Variants in MAP3K9 observed in about 807,000 individuals in gnomAD.
The protein encoded by MAP3K9 is mixed lineage kinase 1 (tyr and ser/thr specificity).
Under a neutral mutation model 95.8 loss-of-function variants are expected in MAP3K9, and 46 were observed. The observed-to-expected ratio is 0.48, with a 90% confidence interval of 0.38 to 0.61. The LOEUF (loss-of-function observed/expected upper bound fraction) is 0.61, where lower values mean the gene tolerates loss of function less well. Ranked by LOEUF, MAP3K9 falls within the 20% of genes least tolerant of loss-of-function variation. The probability of loss-of-function intolerance (pLI) is 0.00; values close to 1 mark genes in which losing one functional copy is unlikely to be tolerated. For missense variants in MAP3K9, 1,296 were observed against 1,474.3 expected, an observed-to-expected ratio of 0.88 and a Z score of 1.98; for synonymous variants, 533 against 593.8, an observed-to-expected ratio of 0.90 and a Z score of 1.49.
At position 70,783,547 on chromosome 14, in the gene MAP3K9, C is replaced by T. The variant is rs563237864; in HGVS notation, c.820+17120G>A. On this transcript the variant is annotated intron_variant, in intron 2 of 11. Transcript: ENST00000554752. ...ATCCAAATTCTCTTTGTGAGGTGGGCGAAGGAAATAGCCGGGAGGCTTCAC... is the reference window on the plus strand; with the variant it reads ...ATCCAAATTCTCTTTGTGAGGTGGGTGAAGGAAATAGCCGGGAGGCTTCAC... 15 of 264,832 alleles carry T rather than the reference C, an allele frequency of 5.7e-5. No homozygotes were observed. The East Asian group carries it at 7.1e-4, about 13-fold the overall frequency. The allele number at this position is 264,832 out of a possible 1,614,324, so 16.4% of individuals were successfully genotyped here.
rs1429141899 is a variant in MAP3K9, at chr14:70,732,776, T to C, written c.2593A>G (p.Ser865Gly). The C allele has an allele frequency of 1.2e-6, 2 of 1,613,650 alleles. No individual in the cohort carries two copies. Among genetic ancestry groups the C allele is most frequent in the Admixed American group, 1.7e-5 (1 of 59,982 alleles). Residue 865 changes from serine (S) to glycine (G), a missense_variant, in exon 11 of 12, where the codon AGC becomes GGC. Coordinates refer to ENST00000554752, the MANE Select transcript of MAP3K9 (RefSeq NM_001284230.2). ...CTCAGGGGAGGGGCCTCGACTGGGC[T>C]GACTGGCATCTCATACACGACAATT... ...DEIVVYEMPV[S>G]PVEAPPLSPC...
chr14:70,733,941 C>T, intron 10 of MAP3K9: 1 of 648,194 alleles, frequency 1.5e-6, no homozygotes, highest in African/African-American at 1.8e-5. Flanking sequence ...GACTCTCAGA[C>T]TTGTAACTGA....
Position 70,732,921 on chromosome 14 carries a change from G to GA in MAP3K9, c.2447dup (p.Lys817GlnfsTer40). The GA allele has an allele frequency of 6.2e-7, 1 of 1,613,986 alleles. No individual in the cohort carries two copies. The highest frequency in any genetic ancestry group is 8.5e-7 in the Non-Finnish European group (1 of 1,179,914). ...GCAACAGCATGGGCTCCTCCTTCTT[G>GA]AAAAGCTTTCGGGATGGGGGGCTGG... On this transcript the variant is annotated frameshift_variant, in exon 11 of 12. Coordinates refer to ENST00000554752, the MANE Select transcript of MAP3K9 (RefSeq NM_001284230.2). LOFTEE classifies it high-confidence loss of function.
intron 2 of MAP3K9, among the ~76,000 whole-genome samples, chr14:70,777,965 T>C (rs1178608802): frequency 6.6e-6 from 1 of 152,094 alleles, no homozygotes; most frequent in Non-Finnish European, 1.5e-5. Flanking sequence ...CCACTGTGGT[T>C]ACTAGAAAAG....
chr14:70,746,775 T>C (rs957583750), intron 5 of MAP3K9, among the ~76,000 whole-genome samples: 3 of 152,262 alleles, frequency 2.0e-5, no homozygotes, highest in Admixed American at 1.3e-4. Flanking sequence ...TTTGACTTCC[T>C]AGTAACTACT....
rs976266246 is a variant in MAP3K9, at chr14:70,723,840, G to C, written c.*6540C>G. 3.7e-4 allele frequency: 56 copies of C among 152,316 alleles called. No individual in the cohort carries two copies. Among genetic ancestry groups the C allele is most frequent in the Admixed American group, 1.3e-3 (20 of 15,296 alleles). The allele number at this position is 152,316 out of a possible 1,614,324, so 9.4% of individuals were successfully genotyped here. A position where few individuals can be genotyped will look rare whatever the true frequency, so the allele number is the denominator to read the frequency against. The stretch of plus-strand genomic sequence containing the variant: ...ATTATTCGTCTTTATAACTAGGCCA[G>C]GATACATCTTTGCCTCACTCTGATG... On this transcript the variant is annotated 3_prime_UTR_variant, in exon 12 of 12. Transcript: ENST00000554752.
intron 2 of MAP3K9, among the ~76,000 whole-genome samples, chr14:70,765,191 G>A (rs1192818519): frequency 2.0e-5 from 3 of 152,128 alleles, no homozygotes; most frequent in South Asian, 2.1e-4. Flanking sequence ...TTAGCTGGGT[G>A]TGGTGGTCCG....
At chr14:70,742,249 A>G in intron 6 of MAP3K9, 102 bp downstream of exon 6, 1 of 1,461,802 alleles carries the variant, frequency 6.8e-7, no homozygotes, top group South Asian at 1.3e-5. Context: ...TTTGAGCCCC[A>G]GGGTGTCATG....
intron 3 of MAP3K9, among the ~76,000 whole-genome samples, chr14:70,757,962 T>A (rs760956662): frequency 2.0e-5 from 3 of 152,094 alleles, no homozygotes; most frequent in Non-Finnish European, 2.9e-5. Flanking sequence ...GAAAAAAATA[T>A]AGGAGTGTAA....
At chr14:70,746,469 G>A (rs1054574661) in intron 5 of MAP3K9, among the ~76,000 whole-genome samples, 4 of 152,212 alleles carry the variant, frequency 2.6e-5, no homozygotes, top group African/African-American at 4.8e-5. Context: ...TCTCTCCAGA[G>A]AGAAAGCACA....
chr14:70,808,697 C>T, intron 1 of MAP3K9, 69 bp downstream of exon 1: 2 of 534,714 alleles, frequency 3.7e-6, no homozygotes, highest in Non-Finnish European at 5.3e-6. Context: ...CGCAGTGCTC[C>T]CCCCTTCCCC....
intron 1 of MAP3K9, among the ~76,000 whole-genome samples, chr14:70,806,641 A>G (rs1379927295): frequency 2.0e-5 from 3 of 152,240 alleles, no homozygotes; most frequent in Admixed American, 6.5e-5. Context: ...ATGAAAAAGT[A>G]GCACGCTGTT....
At chr14:70,796,318 G>C (rs893071087) in intron 2 of MAP3K9, among the ~76,000 whole-genome samples, 3 of 152,214 alleles carry the variant, frequency 2.0e-5, no homozygotes, top group African/African-American at 7.2e-5. Flanking sequence ...TTAAGTTAAT[G>C]ATGTGATGTG....
In MAP3K9 at chr14:70,800,863, C is replaced by T. The variant is rs910802128; in HGVS notation, c.624G>A (p.Gly208=). 1.1e-5 allele frequency: 18 copies of T among 1,614,118 alleles called. No individual in the cohort carries two copies. Among genetic ancestry groups the T allele is most frequent in the Non-Finnish European group, 1.4e-5 (17 of 1,180,016 alleles). ...AGAGGTTGGGCTCCTTCAGACATAC[C>T]CCTCTTAGGGCAATGATGTTGGGGT... ...LKHPNIIALR[G]VCLKEPNLCL... Residue 208 remains glycine (G), a synonymous_variant, in exon 2 of 12, where the codon GGG becomes GGA. Transcript: ENST00000554752.
intron 10 of MAP3K9, 145 bp from the exon 11 acceptor site, chr14:70,733,487 A>G: frequency 1.7e-6 from 1 of 605,404 alleles, no homozygotes; most frequent in Non-Finnish European, 3.0e-6. Context: ...CAGGACATGG[A>G]ATTGAACACT....
chr14:70,802,608 T>A (rs1368270087), intron 1 of MAP3K9, among the ~76,000 whole-genome samples: 1 of 152,218 alleles, frequency 6.6e-6, no homozygotes, highest in Non-Finnish European at 1.5e-5. Flanking sequence ...ACCTCAGGTC[T>A]TAAATATCAG....
intron 9 of MAP3K9, 50 bp downstream of exon 9, chr14:70,735,911 A>C: frequency 2.3e-6 from 3 of 1,317,098 alleles, no homozygotes; most frequent in Non-Finnish European, 3.3e-6. Flanking sequence ...AGGAAATGGA[A>C]GGGAGATTGT....
At chr14:70,737,552 G>A (rs2054001867) in intron 8 of MAP3K9, among the ~76,000 whole-genome samples, 1 of 152,150 alleles carries the variant, frequency 6.6e-6, no homozygotes, top group Non-Finnish European at 1.5e-5. Flanking sequence ...CCCCTCTTGT[G>A]CCCTGCCCAG....
intron 2 of MAP3K9, among the ~76,000 whole-genome samples, chr14:70,773,121 C>T (rs1277190142): frequency 6.6e-6 from 1 of 152,210 alleles, no homozygotes; most frequent in East Asian, 1.9e-4. Flanking sequence ...TTCAGTAACC[C>T]TCTCCCCAAG....
Sources: gnomAD v4.1 joint callset for allele counts (sites outside exome capture counted in the v4.1 genomes callset) on GRCh38, gnomAD v4.1.1 for gene constraint, MANE v1.5 for transcripts, NCBI Gene and HGNC (gene_info 2026-07-23, HGNC 2026-07-21) for gene names.